PIN4: variants seen among roughly 807,000 people sequenced by gnomAD.
PIN4 encodes peptidyl-prolyl cis-trans isomerase NIMA-interacting 4.
In PIN4, 3 loss-of-function variants were observed where a neutral mutation model predicts 8.3. The observed-to-expected ratio is 0.36, with a 90% CI of 0.16 to 0.93. The LOEUF is 0.93. Ranked by LOEUF, PIN4 falls within the 40% of genes least tolerant of loss-of-function variation. The pLI, the probability that PIN4 is intolerant of heterozygous loss-of-function variation, is 0.44. For missense variants in PIN4, 75 were observed against 100.6 expected (o/e 0.75, Z 1.09); for synonymous variants, 18 against 32.5 (o/e 0.55, Z 1.52).
downstream of PIN4, among the ~76,000 whole-genome samples, chrX:72,202,687 T>C (rs2042794665): frequency 8.9e-6 from 1 of 111,747 alleles, no homozygotes; most frequent in South Asian, 3.7e-4. Flanking sequence ...TATTCAATCG[T>C]ATTACCCTAA....
At chrX:72,238,443 C>T (rs1294221331) in intron 3 of PIN4, among the ~76,000 whole-genome samples, 24 of 111,642 alleles carry the variant, frequency 2.1e-4, no homozygotes, top group Non-Finnish European at 2.8e-4. Context: ...ACTTATCAAA[C>T]CTAGTAATTA....
chrX:72,254,066 T>A (rs2043098932), intron 3 of PIN4, among the ~76,000 whole-genome samples: 1 of 112,115 alleles, frequency 8.9e-6, no homozygotes, highest in Admixed American at 9.4e-5. Flanking sequence ...GCAGATCAGG[T>A]CACTCCTTTG....
chrX:72,246,096 C>T (rs1403826005), intron 3 of PIN4, among the ~76,000 whole-genome samples: 1 of 111,136 alleles, frequency 9.0e-6, no homozygotes, highest in Non-Finnish European at 1.9e-5. Context: ...GAAGCTCAAA[C>T]TCAACATGGC....
At chrX:72,236,372 C>A (rs1273672932) in intron 3 of PIN4, among the ~76,000 whole-genome samples, 1 of 111,306 alleles carries the variant, frequency 9.0e-6, no homozygotes, top group Admixed American at 9.5e-5. Context: ...CATCTCAGCT[C>A]GCTGCAACCT....
chrX:72,206,751 T>G (rs752818859), intron 3 of PIN4: 2 of 1,209,401 alleles, frequency 1.7e-6, no homozygotes, highest in Non-Finnish European at 2.2e-6. Flanking sequence ...AATCATGGTC[T>G]GAGATTCCAG....
At chrX:72,227,930 TA>T (rs779116704) in intron 3 of PIN4, among the ~76,000 whole-genome samples, 13 of 112,932 alleles carry the variant, frequency 1.2e-4, no homozygotes, top group Non-Finnish European at 1.7e-4. Flanking sequence ...TTAGCCTAAA[TA>T]TTTGCCCTGG....
At chrX:72,243,863 ATCC>A (rs1163018388) in intron 3 of PIN4, among the ~76,000 whole-genome samples, 1 of 112,281 alleles carries the variant, frequency 8.9e-6, no homozygotes, top group African/African-American at 3.2e-5. Flanking sequence ...TACTATTATC[ATCC>A]TCCTTTTACA....
intron 3 of PIN4, among the ~76,000 whole-genome samples, chrX:72,240,655 C>T (rs2043045211): frequency 1.8e-5 from 2 of 109,876 alleles, no homozygotes; most frequent in Admixed American, 9.7e-5. Flanking sequence ...CAAAAATTAG[C>T]TGGGCATGGT....
intron 3 of PIN4, among the ~76,000 whole-genome samples, chrX:72,260,853 C>T (rs2043135706): frequency 8.9e-6 from 1 of 111,882 alleles, no homozygotes; most frequent in African/African-American, 3.2e-5. Flanking sequence ...AAACCAATCC[C>T]TTCTTTCCGT....
downstream of PIN4, among the ~76,000 whole-genome samples, chrX:72,200,475 T>C (rs1233021851): frequency 8.9e-6 from 1 of 111,754 alleles, no homozygotes; most frequent in African/African-American, 3.3e-5. Flanking sequence ...AGTTTGGCAA[T>C]ACCTGTCAAA....
intron 2 of PIN4, among the ~76,000 whole-genome samples, chrX:72,195,980 G>A (rs1450859533): frequency 1.8e-5 from 2 of 109,985 alleles, no homozygotes; most frequent in East Asian, 2.9e-4. Context: ...TTAGCTGGGC[G>A]TGGTAATGGG....
intron 3 of PIN4, among the ~76,000 whole-genome samples, chrX:72,239,771 CAAAAAAAAAA>C (rs1170667492): frequency 7.2e-5 from 1 of 13,864 alleles, no homozygotes; most frequent in East Asian, 2.2e-3. Flanking sequence ...GACTCCATCT[CAAAAAAAAAA>C]AAAAAAAAAA....
chrX:72,248,258 C>G (rs2043074152), intron 3 of PIN4, among the ~76,000 whole-genome samples: 1 of 88,487 alleles, frequency 1.1e-5, no homozygotes, highest in Admixed American at 1.5e-4. Context: ...AGTCACACTC[C>G]TTTTGCGCCT....
At chrX:72,195,370 G>A (rs914673333) in intron 2 of PIN4, among the ~76,000 whole-genome samples, 2 of 111,707 alleles carry the variant, frequency 1.8e-5, no homozygotes, top group African/African-American at 6.5e-5. Flanking sequence ...GGCCAGGCAC[G>A]GTGTGCTGAC....
chrX:72,224,194 C>T (rs2042941748), intron 3 of PIN4, among the ~76,000 whole-genome samples: 2 of 111,251 alleles, frequency 1.8e-5, no homozygotes, highest in Non-Finnish European at 3.8e-5. Context: ...TCAAGGCCCA[C>T]TAGAATGTTC....
intron 3 of PIN4, among the ~76,000 whole-genome samples, chrX:72,232,817 G>T (rs1195641719): frequency 9.0e-6 from 1 of 110,741 alleles, no homozygotes; most frequent in Non-Finnish European, 1.9e-5. Context: ...TCTCAGAAAA[G>T]AAAATCACCA....
intron 3 of PIN4, among the ~76,000 whole-genome samples, chrX:72,235,484 C>T: frequency 9.2e-6 from 1 of 108,525 alleles, no homozygotes; most frequent in Non-Finnish European, 1.9e-5. Flanking sequence ...CAACCTCCAC[C>T]TCCTGGGTTC....
intron 3 of PIN4, among the ~76,000 whole-genome samples, chrX:72,233,586 G>A (rs181889164): frequency 1.8e-5 from 2 of 108,852 alleles, no homozygotes; most frequent in African/African-American, 6.7e-5. Context: ...GCTGGGCATG[G>A]TGGTGGGTGC....
chrX:72,231,188 G>A (rs147114736), intron 3 of PIN4, among the ~76,000 whole-genome samples: 2 of 111,895 alleles, frequency 1.8e-5, no homozygotes, highest in Admixed American at 9.5e-5. Context: ...CCATCAACAG[G>A]ATGAATGGAT....
Sources: allele counts gnomAD v4.1 joint callset (sites outside exome capture counted in the v4.1 genomes callset), GRCh38; gene constraint gnomAD v4.1.1; transcripts MANE v1.5; gene names NCBI Gene and HGNC (gene_info 2026-07-23, HGNC 2026-07-21).